The following SARS1 variants were observed in gnomAD, a reference collection of about 807,000 sequenced individuals.
SARS1 encodes the protein seryl-tRNA synthetase 1.
SARS1 carries 25 observed loss-of-function variants against 63.7 expected under a neutral mutation model. The ratio of observed to expected loss-of-function variants is 0.39; its 90% CI spans 0.29 to 0.55. The LOEUF (loss-of-function observed/expected upper bound fraction) is 0.55, where lower values mean the gene tolerates loss of function less well. Ranked by LOEUF, SARS1 falls within the 20% of genes least tolerant of loss-of-function variation. The pLI is 0.62. For missense variants in SARS1, 417 were observed against 649.7 expected (o/e 0.64, Z 3.89); for synonymous variants, 231 against 243.5 (o/e 0.95, Z 0.48).
rs1655295810 is a variant in SARS1 at position 109,235,826 on chromosome 1, G to A, written c.970-151G>A. The A allele has an allele frequency of 1.4e-6, 1 of 719,024 alleles. No homozygotes were observed. The highest frequency in any genetic ancestry group is 2.6e-5 in the Admixed American group (1 of 38,966). The allele number at this position is 719,024 out of a possible 1,614,324, so 44.5% of individuals were successfully genotyped here. A position where few individuals can be genotyped will look rare whatever the true frequency, so the allele number is the denominator to read the frequency against. ...CGGGAAGCTCGCACCATAAGCATTT[G>A]CTCTTGTGGTCCAGTCCCAGTTGCT... On this transcript the variant is annotated intron_variant, in intron 7 of 10. Coordinates refer to ENST00000234677, the MANE Select transcript of SARS1 (RefSeq NM_006513.4). The surrounding 1 kb of genome is among the most constrained non-coding windows in gnomAD (Gnocchi z 4.7).
chr1:109,215,335 G>A lies in SARS1; in HGVS notation c.136+1207G>A, dbSNP rs1024688896. The A allele has an allele frequency of 8.1e-6, 8 of 985,346 alleles. No individual in the cohort carries two copies. The African/African-American group carries it at 1.4e-4, about 17-fold the overall frequency. 61.0% of individuals were successfully genotyped at this position (985,346 alleles called of 1,614,324 possible). A position where few individuals can be genotyped will look rare whatever the true frequency, so the allele number is the denominator to read the frequency against. ...CTGAAGTCAGGAGTATCAGATTTTT[G>A]TGTCAGTCCAGCCCTTAGCCAGTGC... On this transcript the variant is annotated intron_variant, in intron 1 of 10. Transcript: ENST00000234677.
At chr1:109,220,691 A>T (rs1654907665) in intron 1 of SARS1, among the ~76,000 whole-genome samples, 1 of 152,200 alleles carries the variant, frequency 6.6e-6, no homozygotes, top group Admixed American at 6.5e-5. Flanking sequence ...TGTGATGAAT[A>T]GAAGTTCCTA....
intron 6 of SARS1, among the ~76,000 whole-genome samples, chr1:109,234,888 C>T (rs1164035273): frequency 6.6e-6 from 1 of 152,162 alleles, no homozygotes; most frequent in Non-Finnish European, 1.5e-5. Context: ...GTCGCTTGAA[C>T]CTGGGAGGTG....
intron 6 of SARS1, among the ~76,000 whole-genome samples, chr1:109,233,845 G>A (rs1210547490): frequency 1.4e-5 from 2 of 139,332 alleles, no homozygotes; most frequent in East Asian, 2.1e-4. Context: ...TACAGGCGTC[G>A]CCACCACACC....
In SARS1 at chr1:109,214,240, C is replaced by G; in HGVS notation, c.136+112C>G. The stretch of plus-strand genomic sequence containing the variant: ...TTCCACCCTTCGTCAGACCCCCTCC[C>G]AGGGTGCGGTGGCTCCGAGGTTCTC... On this transcript the variant is annotated intron_variant, in intron 1 of 10. Coordinates refer to ENST00000234677, the MANE Select transcript of SARS1 (RefSeq NM_006513.4). The surrounding 1 kb of genome is among the most constrained non-coding windows in gnomAD (Gnocchi z 4.6). 2 of 1,320,368 alleles carry G rather than the reference C, an allele frequency of 1.5e-6. No homozygotes were observed. Among genetic ancestry groups the G allele is most frequent in the Middle Eastern group, 3.8e-4 (2 of 5,198 alleles). 81.8% of individuals were successfully genotyped at this position (1,320,368 alleles called of 1,614,324 possible).
At chr1:109,217,377 T>C (rs911602332) in intron 1 of SARS1, among the ~76,000 whole-genome samples, 6 of 152,108 alleles carry the variant, frequency 3.9e-5, no homozygotes, top group African/African-American at 1.4e-4. Context: ...GAATATCTCA[T>C]GTAATTTATT....
chr1:109,229,741 T>C (rs773757540), intron 4 of SARS1, among the ~76,000 whole-genome samples, 169 bp downstream of exon 4: 4 of 152,152 alleles, frequency 2.6e-5, no homozygotes, highest in Non-Finnish European at 4.4e-5. Flanking sequence ...CCTTGTCTGA[T>C]TGGGAAGTAG....
At chr1:109,231,209 CT>C (rs1375321845) in intron 5 of SARS1, 188 bp downstream of exon 5, 3 of 318,396 alleles carry the variant, frequency 9.4e-6, no homozygotes, top group African/African-American at 2.2e-5. Context: ...CAAGAGAGGG[CT>C]TATCAGGATT....
intron 2 of SARS1, among the ~76,000 whole-genome samples, chr1:109,227,120 G>A (rs142718593): frequency 1.3e-3 from 197 of 149,974 alleles, no homozygotes; most frequent in African/African-American, 4.5e-3. Context: ...TCAGCCTCCC[G>A]AGTAGTTGGG....
In SARS1 at chr1:109,238,097, G is replaced by A. The variant is rs926380674; in HGVS notation, c.*209G>A. On this transcript the variant is annotated 3_prime_UTR_variant, in exon 11 of 11. Coordinates refer to ENST00000234677, the MANE Select transcript of SARS1 (RefSeq NM_006513.4). ...CATCATTGATGACTGATGAAACCAT[G>A]TAATAAAGCATCTCTGGGGAGGGCT... is the stretch of plus-strand genomic sequence containing the variant. 11 of 605,762 alleles carry A rather than the reference G, an allele frequency of 1.8e-5. No homozygotes were observed. In the African/African-American group the frequency reaches 1.9e-4, roughly 10 times the overall value. The allele number at this position is 605,762 out of a possible 1,614,324, so 37.5% of individuals were successfully genotyped here.
At chr1:109,216,770 A>G (rs750655689) in intron 1 of SARS1, 20 of 431,202 alleles carry the variant, frequency 4.6e-5, no homozygotes, top group Middle Eastern at 1.2e-3. Flanking sequence ...TACAGGCGCA[A>G]TGCCACCATG....
At chr1:109,236,695 C>T (rs896317212) in intron 9 of SARS1, 147 bp downstream of exon 9, 47 of 1,485,232 alleles carry the variant, frequency 3.2e-5, no homozygotes, top group Non-Finnish European at 3.9e-5. Context: ...TCTGAAAATG[C>T]CTTCTACTGA....
chr1:109,224,255 C>T (rs763306737), intron 2 of SARS1, among the ~76,000 whole-genome samples: 1 of 152,184 alleles, frequency 6.6e-6, no homozygotes, highest in African/African-American at 2.4e-5. Flanking sequence ...AGTCCATCTT[C>T]TGTGTTCAGG....
chr1:109,221,960 T>TTTTTTTTTTG (rs771565091), intron 1 of SARS1, among the ~76,000 whole-genome samples: 1 of 10,076 alleles, frequency 9.9e-5, no homozygotes, highest in African/African-American at 1.5e-4. Context: ...GCTAATTTTT[T>TTTTTTTTTTG]TGTGTGTGTG....
At chr1:109,234,302 G>C (rs1030021935) in intron 6 of SARS1, among the ~76,000 whole-genome samples, 2 of 152,116 alleles carry the variant, frequency 1.3e-5, no homozygotes, top group Admixed American at 1.3e-4. Context: ...GGGATTACAG[G>C]CATGAGCCAC....
chr1:109,236,795 T>G (rs755125716), intron 9 of SARS1: 1 of 1,585,922 alleles, frequency 6.3e-7, no homozygotes, highest in African/African-American at 1.3e-5. Flanking sequence ...TTTGTTTTTC[T>G]TAACTCCAGA....
intron 1 of SARS1, among the ~76,000 whole-genome samples, chr1:109,218,193 C>CAAAA (rs35069915): frequency 2.5e-5 from 1 of 39,764 alleles, no homozygotes; most frequent in Non-Finnish European, 4.7e-5. Context: ...ACTCTGTCTC[C>CAAAA]AAAAAAAAAA....
intron 2 of SARS1, among the ~76,000 whole-genome samples, chr1:109,225,661 T>C (rs1047083901): frequency 1.6e-4 from 25 of 152,200 alleles, no homozygotes; most frequent in Admixed American, 1.4e-3. Context: ...TTCACAGACA[T>C]CTTATTTTGG....
At chr1:109,227,286 C>G (rs1655111316) in intron 2 of SARS1, among the ~76,000 whole-genome samples, 1 of 152,166 alleles carries the variant, frequency 6.6e-6, no homozygotes, top group African/African-American at 2.4e-5. Flanking sequence ...AGCCACCGTG[C>G]CCTGCCAACT....
Sources: gnomAD v4.1 joint callset for allele counts (sites outside exome capture counted in the v4.1 genomes callset) on GRCh38, gnomAD v4.1.1 for gene constraint, Gnocchi (gnomAD v3.1) non-coding constraint, MANE v1.5 for transcripts, NCBI Gene and HGNC (gene_info 2026-07-23, HGNC 2026-07-21) for gene names.